MAPKAP1: variants seen among roughly 807,000 people sequenced by gnomAD.
MAPKAP1 encodes MAPK associated protein 1.
MAPKAP1 carries 20 observed loss-of-function variants against 65.7 expected under a neutral mutation model. The ratio of observed to expected loss-of-function variants is 0.30; its 90% CI spans 0.21 to 0.44. The LOEUF (loss-of-function observed/expected upper bound fraction) is 0.44. Among genes scored for constraint, MAPKAP1 ranks in the 20% least tolerant of loss-of-function variants. The pLI, the probability that MAPKAP1 is intolerant of heterozygous loss-of-function variation, is 1.00. For missense variants in MAPKAP1, 423 were observed against 648.0 expected, an observed-to-expected ratio of 0.65 and a Z score of 3.77; for synonymous variants, 222 against 244.3, an observed-to-expected ratio of 0.91 and a Z score of 0.85.
At chr9:125,540,709 T>C (rs1475456601) in intron 7 of MAPKAP1, among the ~76,000 whole-genome samples, 1 of 152,226 alleles carries the variant, frequency 6.6e-6, no homozygotes, top group Non-Finnish European at 1.5e-5. Context: ...GCAGGATGAC[T>C]GCCTCTAACC....
chr9:125,625,721 GGAGACAGAGGTT>G (rs1833098641), intron 4 of MAPKAP1, among the ~76,000 whole-genome samples: 2 of 152,210 alleles, frequency 1.3e-5, no homozygotes, highest in South Asian at 4.1e-4. Context: ...CTTGAACCTG[GGAGACAGAGGTT>G]GCAGTGAGCC....
rs1405278462 is a variant in MAPKAP1, at chr9:125,528,522, AC to A, written c.958+14536del. 3.9e-5 allele frequency among the ~76,000 whole-genome samples: 6 copies of A among 152,266 alleles called. No homozygotes were observed. In the East Asian group the frequency reaches 1.2e-3, roughly 29 times the overall value. ...CTCCCTCTAGGAGGGGAACTCCCAA[AC>A]CTGAGGACTCAAGGAAGTCTTTTCA... is the stretch of plus-strand genomic sequence containing the variant. On this transcript the variant is annotated intron_variant, in intron 7 of 11. Transcript: ENST00000265960.
intron 7 of MAPKAP1, among the ~76,000 whole-genome samples, chr9:125,507,053 G>A (rs1356084419): frequency 6.6e-6 from 1 of 152,164 alleles, no homozygotes; most frequent in East Asian, 1.9e-4. Context: ...TGAAAAGACA[G>A]TGGCTACCGA....
At chr9:125,613,099 G>C (rs1398551461) in intron 4 of MAPKAP1, among the ~76,000 whole-genome samples, 1 of 152,148 alleles carries the variant, frequency 6.6e-6, no homozygotes, top group Non-Finnish European at 1.5e-5. Context: ...AGACAGATGA[G>C]TGTTAGTCAT....
Position 125,672,614 on chromosome 9 carries a change from C to A in MAPKAP1, c.-40G>T. 6.2e-7 allele frequency: 1 copy of A among 1,605,232 alleles called. No individual in the cohort carries two copies. Among genetic ancestry groups the A allele is most frequent in the South Asian group, 1.1e-5 (1 of 89,906 alleles). Reference sequence around the variant, plus strand: ...AATTTCCTTAAAAGGCTATTTTCTCCTCTTCATATTGTTTCACGAGCTCAC... The same window carrying A: ...AATTTCCTTAAAAGGCTATTTTCTCATCTTCATATTGTTTCACGAGCTCAC... On this transcript the variant is annotated 5_prime_UTR_variant, in exon 2 of 12. In the 5' UTR this introduces an upstream ATG that the reference lacks. Coordinates refer to ENST00000265960, the MANE Select transcript of MAPKAP1 (RefSeq NM_001006617.3).
At chr9:125,555,725 C>T (rs541246410) in intron 6 of MAPKAP1, among the ~76,000 whole-genome samples, 1 of 152,336 alleles carries the variant, frequency 6.6e-6, no homozygotes, top group African/African-American at 2.4e-5. Context: ...CCTTCCTAGT[C>T]TTCAAGAAGT....
In MAPKAP1 at chr9:125,507,495, C is replaced by T. The variant is rs1325502705; in HGVS notation, c.959-1078G>A. On this transcript the variant is annotated intron_variant, in intron 7 of 11. Transcript: ENST00000265960. ...CTGCTGTCAACTTGTGGATTAATCA[C>T]ATCTAGTGCTTCTCTATCATCAGCA... 2.0e-5 allele frequency among the ~76,000 whole-genome samples: 3 copies of T among 152,204 alleles called. No individual in the cohort carries two copies. The East Asian group carries it at 5.8e-4, about 29-fold the overall frequency.
At chr9:125,614,196 G>C (rs990496613) in intron 4 of MAPKAP1, among the ~76,000 whole-genome samples, 12 of 152,164 alleles carry the variant, frequency 7.9e-5, no homozygotes, top group African/African-American at 2.9e-4. Flanking sequence ...AGGTTTACTT[G>C]TGAACAAAGA....
chr9:125,603,845 A>G (rs1011322094), intron 4 of MAPKAP1, among the ~76,000 whole-genome samples: 1 of 152,246 alleles, frequency 6.6e-6, no homozygotes, highest in Non-Finnish European at 1.5e-5. Flanking sequence ...AGACTCTGAT[A>G]ACCTGCCCCG....
chr9:125,586,419 C>T (rs1470485719), intron 4 of MAPKAP1, among the ~76,000 whole-genome samples: 1 of 152,158 alleles, frequency 6.6e-6, no homozygotes, highest in East Asian at 1.9e-4. Context: ...CTTTTTAAAA[C>T]GATTTCCTCT....
At chr9:125,482,148 A>AAAAAAAAAAAAAAAAGAAG (rs60516268) in intron 9 of MAPKAP1, among the ~76,000 whole-genome samples, 1 of 116,982 alleles carries the variant, frequency 8.5e-6, no homozygotes, top group Non-Finnish European at 1.7e-5. Context: ...AAAAAAAAAA[A>AAAAAAAAAAAAAAAAGAAG]AAGAAGAAGA....
intron 4 of MAPKAP1, chr9:125,650,511 G>A (rs1343454992): frequency 6.6e-6 from 1 of 152,130 alleles, no homozygotes; most frequent in Non-Finnish European, 1.5e-5. Context: ...TTCTTAGCTA[G>A]TTCTTACTCA....
chr9:125,507,613 T>G (rs1388611298), intron 7 of MAPKAP1, among the ~76,000 whole-genome samples: 2 of 152,236 alleles, frequency 1.3e-5, no homozygotes, highest in African/African-American at 2.4e-5. Flanking sequence ...CAGGGTATAT[T>G]TGATCTTTTC....
chr9:125,637,873 A>C (rs1833470389), intron 4 of MAPKAP1, among the ~76,000 whole-genome samples: 1 of 152,130 alleles, frequency 6.6e-6, no homozygotes, highest in Non-Finnish European at 1.5e-5. Context: ...CCCAGGTTCA[A>C]ACGATTCTAC....
chr9:125,493,732 A>G (rs1200504660), intron 8 of MAPKAP1, among the ~76,000 whole-genome samples: 1 of 152,244 alleles, frequency 6.6e-6, no homozygotes, highest in Admixed American at 6.5e-5. Context: ...TGCTTAACGC[A>G]TGCCAGCACG....
intron 4 of MAPKAP1, among the ~76,000 whole-genome samples, chr9:125,649,794 GT>G (rs1833839678): frequency 8.4e-6 from 1 of 118,488 alleles, no homozygotes; most frequent in Non-Finnish European, 1.7e-5. Flanking sequence ...CAGAAACTCC[GT>G]CTCAAAAAAA....
chr9:125,693,754 T>C (rs1472530358), intron 1 of MAPKAP1, among the ~76,000 whole-genome samples: 17 of 147,168 alleles, frequency 1.2e-4, no homozygotes, highest in Non-Finnish European at 1.8e-4. Context: ...TATATACACA[T>C]ATATACACGT....
chr9:125,471,015 AT>A (rs1853897525), intron 9 of MAPKAP1: 1 of 152,232 alleles, frequency 6.6e-6, no homozygotes, highest in African/African-American at 2.4e-5. Flanking sequence ...AGGAGTCACT[AT>A]TTAAAGAAAC....
At chr9:125,610,469 G>A (rs1337803837) in intron 4 of MAPKAP1, among the ~76,000 whole-genome samples, 2 of 152,140 alleles carry the variant, frequency 1.3e-5, no homozygotes, top group Non-Finnish European at 2.9e-5. Flanking sequence ...CCTTAATGAT[G>A]GTACTTGCCA....
Sources: gnomAD v4.1 joint callset for allele counts (sites outside exome capture counted in the v4.1 genomes callset) on GRCh38, gnomAD v4.1.1 for gene constraint, MANE v1.5 for transcripts, NCBI Gene and HGNC (gene_info 2026-07-23, HGNC 2026-07-21) for gene names.